HSD17B12: variants seen among roughly 807,000 people sequenced by gnomAD.
The protein encoded by HSD17B12 is hydroxysteroid 17-beta dehydrogenase 12, also known as very-long-chain 3-oxoacyl-CoA reductase.
A neutral mutation model predicts 39.3 loss-of-function variants in HSD17B12; 32 were observed. The observed-to-expected ratio is 0.81, with a 90% CI of 0.61 to 1.09. HSD17B12 has a LOEUF of 1.09. Ranked by LOEUF, HSD17B12 falls within the 50% of genes least tolerant of loss-of-function variation. The pLI is 0.00. For missense variants in HSD17B12, 342 were observed against 382.9 expected, an observed-to-expected ratio of 0.89 and a Z score of 0.89; for synonymous variants, 150 against 146.7, an observed-to-expected ratio of 1.02 and a Z score of -0.16.
intron 4 of HSD17B12, among the ~76,000 whole-genome samples, chr11:43,801,626 A>ATATATATATATG (rs1416673105): frequency 5.1e-5 from 1 of 19,486 alleles, no homozygotes; most frequent in Non-Finnish European, 1.5e-4. Flanking sequence ...ATATATATAT[A>ATATATATATATG]TATATGTATA....
At chr11:43,742,376 A>G (rs1379822536) in intron 1 of HSD17B12, among the ~76,000 whole-genome samples, 3 of 151,602 alleles carry the variant, frequency 2.0e-5, no homozygotes, top group Admixed American at 6.6e-5. Context: ...TCCTGAGCTC[A>G]AGCATTCTTC....
rs184013694 is a variant in HSD17B12, at chr11:43,825,925, C to T, written c.502-5051C>T. 2.7e-5 allele frequency among the ~76,000 whole-genome samples: 3 copies of T among 113,206 alleles called. No individual in the cohort carries two copies. In the East Asian group the frequency reaches 8.7e-4, roughly 33 times the overall value. 74.3% of individuals were successfully genotyped at this position (113,206 alleles called of 152,430 possible). A position where few individuals can be genotyped will look rare whatever the true frequency, so the allele number is the denominator to read the frequency against. ...ATATACGAGTGAAAATGAAAAATCT[C>T]TGACAACTTTAGAAATTATTTTCTC... On this transcript the variant is annotated intron_variant, in intron 6 of 10. Coordinates refer to ENST00000278353, the MANE Select transcript of HSD17B12 (RefSeq NM_016142.3).
chr11:43,776,481 G>C (rs1204113925), intron 3 of HSD17B12, among the ~76,000 whole-genome samples: 4 of 152,070 alleles, frequency 2.6e-5, no homozygotes, highest in Non-Finnish European at 5.9e-5. Flanking sequence ...ATTTGTTTGA[G>C]TTCATTGTAG....
the HSD17B12 span, chr11:43,570,245 A>G: frequency 6.6e-6 from 1 of 152,438 alleles, no homozygotes; most frequent in Non-Finnish European, 1.5e-5. Context: ...AGTCAGATAT[A>G]GTGAAACAGC....
the HSD17B12 span, among the ~76,000 whole-genome samples, chr11:43,605,683 A>G: frequency 6.6e-6 from 1 of 152,154 alleles, no homozygotes; most frequent in African/African-American, 2.4e-5. Flanking sequence ...AATATCAACC[A>G]TAACTGCCTA....
the HSD17B12 span, among the ~76,000 whole-genome samples, chr11:43,626,565 T>A: frequency 3.9e-5 from 6 of 152,008 alleles, no homozygotes; most frequent in East Asian, 9.6e-4. Context: ...GCATTTTTTT[T>A]AATAGATGCT....
chr11:43,577,435 G>C, the HSD17B12 span, among the ~76,000 whole-genome samples: 3 of 152,320 alleles, frequency 2.0e-5, no homozygotes, highest in Admixed American at 2.0e-4. Flanking sequence ...TTCAGGAATG[G>C]AAGGCCAGTG....
chr11:43,727,815 G>A (rs1440103154), intron 1 of HSD17B12, among the ~76,000 whole-genome samples: 2 of 152,108 alleles, frequency 1.3e-5, no homozygotes, highest in African/African-American at 4.8e-5. Context: ...CTTTGCCAGT[G>A]TGCTTCTTGA....
chr11:43,562,458 C>T, the HSD17B12 span, among the ~76,000 whole-genome samples: 2 of 152,170 alleles, frequency 1.3e-5, no homozygotes, highest in South Asian at 2.1e-4. Context: ...AAATGGGGAC[C>T]TACCTCAAAA....
At chr11:43,675,722 GA>G (rs530604246), upstream of HSD17B12, among the ~76,000 whole-genome samples, 169 of 152,238 alleles carry the variant, frequency 1.1e-3, no homozygotes, top group Non-Finnish European at 1.8e-3. Context: ...CTTGTGATTT[GA>G]ATTAGGTTAG....
At chr11:43,608,088 G>A in the HSD17B12 span, among the ~76,000 whole-genome samples, 2 of 152,146 alleles carry the variant, frequency 1.3e-5, no homozygotes, top group East Asian at 1.9e-4. Context: ...TAAAAATAAG[G>A]CCAGGTGCGG....
chr11:43,772,046 C>G (rs1950655750), intron 3 of HSD17B12, among the ~76,000 whole-genome samples: 1 of 152,150 alleles, frequency 6.6e-6, no homozygotes. Context: ...ATCTCTGTCT[C>G]TCTCGAAAGC....
intron 9 of HSD17B12, among the ~76,000 whole-genome samples, chr11:43,842,323 G>C (rs1476108911): frequency 1.3e-5 from 2 of 152,146 alleles, no homozygotes; most frequent in Admixed American, 1.3e-4. Flanking sequence ...ATGAAAGGAA[G>C]GGGGGATGAC....
chr11:43,636,849 C>T, the HSD17B12 span, among the ~76,000 whole-genome samples: 4 of 152,104 alleles, frequency 2.6e-5, no homozygotes, highest in Non-Finnish European at 5.9e-5. Context: ...ATAAGACATT[C>T]TGAGGTAATC....
chr11:43,703,841 TA>T (rs1487158588), intron 1 of HSD17B12, among the ~76,000 whole-genome samples: 1 of 152,172 alleles, frequency 6.6e-6, no homozygotes, highest in Non-Finnish European at 1.5e-5. Flanking sequence ...GTTTTAACTT[TA>T]AAAAAAGAAC....
At chr11:43,637,472 T>TGAA in the HSD17B12 span, among the ~76,000 whole-genome samples, 1 of 152,084 alleles carries the variant, frequency 6.6e-6, no homozygotes, top group African/African-American at 2.4e-5. Flanking sequence ...CCGCAGGCCT[T>TGAA]GGCCTCCCAA....
intron 6 of HSD17B12, among the ~76,000 whole-genome samples, chr11:43,818,666 T>A (rs1028225714): frequency 1.3e-5 from 2 of 152,206 alleles, no homozygotes; most frequent in Non-Finnish European, 1.5e-5. Context: ...TTTTCTCATA[T>A]AAGATTCAGT....
At chr11:43,843,087 C>A (rs1196329686) in intron 9 of HSD17B12, among the ~76,000 whole-genome samples, 1 of 152,096 alleles carries the variant, frequency 6.6e-6, no homozygotes, top group Non-Finnish European at 1.5e-5. Flanking sequence ...ACTGTCATTT[C>A]ATCTGTCATT....
chr11:43,743,405 G>C (rs1431547498), intron 1 of HSD17B12, among the ~76,000 whole-genome samples: 1 of 152,142 alleles, frequency 6.6e-6, no homozygotes. Flanking sequence ...CTGACTTCCA[G>C]AGCAGACACC....
Sources: gnomAD v4.1 joint callset for allele counts (sites outside exome capture counted in the v4.1 genomes callset) on GRCh38, gnomAD v4.1.1 for gene constraint, MANE v1.5 for transcripts, NCBI Gene and HGNC (gene_info 2026-07-23, HGNC 2026-07-21) for gene names.